Variants in CADM2 observed in about 807,000 individuals in gnomAD.
CADM2 encodes the protein cell adhesion molecule 2.
In CADM2, 12 loss-of-function variants were observed where a neutral mutation model predicts 49.8. The observed-to-expected ratio is 0.24, with a 90% CI of 0.15 to 0.39. CADM2 has a LOEUF of 0.39. Ranked by LOEUF, CADM2 falls within the 10% of genes least tolerant of loss-of-function variation. CADM2 has a pLI of 1.00. For synonymous variants in CADM2, 214 were observed against 175.4 expected (o/e 1.22, Z -1.74); for missense variants, 378 against 492.3 (o/e 0.77, Z 2.20).
chr3:85,399,252 T>A (rs1325495674), intron 1 of CADM2, among the ~76,000 whole-genome samples: 1 of 152,210 alleles, frequency 6.6e-6, no homozygotes, highest in Non-Finnish European at 1.5e-5. Context: ...GGGAATCCTT[T>A]CCCCATTGCT....
chr3:85,187,444 A>T (rs2041091677), intron 1 of CADM2, among the ~76,000 whole-genome samples: 1 of 152,056 alleles, frequency 6.6e-6, no homozygotes, highest in Admixed American at 6.6e-5. Context: ...ATCTCCTCAT[A>T]AGTTTTTTTT....
At chr3:85,528,699 A>C (rs1452202595) in intron 1 of CADM2, among the ~76,000 whole-genome samples, 3 of 152,184 alleles carry the variant, frequency 2.0e-5, no homozygotes, top group Non-Finnish European at 4.4e-5. Flanking sequence ...TATACAAATA[A>C]AGATTCACTT....
intron 1 of CADM2, among the ~76,000 whole-genome samples, chr3:85,233,202 G>A (rs572979640): frequency 2.0e-5 from 3 of 152,208 alleles, no homozygotes; most frequent in South Asian, 2.1e-4. Flanking sequence ...CTACTGAGAC[G>A]GTGAAAGATC....
chr3:85,761,412 C>T lies in CADM2; in HGVS notation c.88+34864C>T, dbSNP rs541274100. Among the ~76,000 whole-genome samples the T allele has an allele frequency of 1.9e-3, 230 of 118,784 alleles. 1 individual carries two copies. Among genetic ancestry groups the T allele is most frequent in the African/African-American group, 7.7e-3 (226 of 29,294 alleles). The allele number at this position is 118,784 out of a possible 152,430, so 77.9% of individuals were successfully genotyped here. A position where few individuals can be genotyped will look rare whatever the true frequency, so the allele number is the denominator to read the frequency against. On this transcript the variant is annotated intron_variant, in intron 2 of 9. Coordinates refer to ENST00000383699, the MANE Select transcript of CADM2 (RefSeq NM_001167675.2). ...TTTTGGAGACAGAATCTCACTCTGTCTCCAGGCTGGAGTGCATTCAGTGGC... is the reference window on the plus strand; with the variant it reads ...TTTTGGAGACAGAATCTCACTCTGTTTCCAGGCTGGAGTGCATTCAGTGGC...
chr3:85,898,071 A>G (rs557194302), intron 5 of CADM2, among the ~76,000 whole-genome samples: 277 of 152,258 alleles, frequency 1.8e-3, no homozygotes, highest in African/African-American at 5.8e-3. Flanking sequence ...GTGGGTATGT[A>G]TATCTGTGTG....
chr3:85,294,873 G>A (rs1437452590), intron 1 of CADM2, among the ~76,000 whole-genome samples: 15 of 152,100 alleles, frequency 9.9e-5, no homozygotes, highest in East Asian at 3.9e-4. Flanking sequence ...TCAGGACATA[G>A]GCATGGGCAA....
rs35857247 is a variant in CADM2, at chr3:85,898,955, A to ATTTTT, written c.529+12652_529+12656dup. On this transcript the variant is annotated intron_variant, in intron 5 of 9. Transcript: ENST00000383699. ...TTATTGTGTATATATATATATATAT[A>ATTTTT]TTTTTTTTTTTTTTTTTTTTTTTTT... Among the ~76,000 whole-genome samples the ATTTTT allele has an allele frequency of 4.8e-3, 162 of 33,912 alleles. 25 individuals are homozygous for ATTTTT. The highest frequency in any genetic ancestry group is 7.1e-3 in the South Asian group (5 of 708). The allele number at this position is 33,912 out of a possible 152,430, so 22.2% of individuals were successfully genotyped here. A position where few individuals can be genotyped will look rare whatever the true frequency, so the allele number is the denominator to read the frequency against.
intron 1 of CADM2, among the ~76,000 whole-genome samples, chr3:85,569,964 G>A (rs940092312): frequency 6.6e-6 from 1 of 152,086 alleles, no homozygotes; most frequent in Non-Finnish European, 1.5e-5. Flanking sequence ...TTAATTTTCA[G>A]TTGCAGAATG....
chr3:85,280,108 T>C (rs2043464759), intron 1 of CADM2, among the ~76,000 whole-genome samples: 1 of 151,700 alleles, frequency 6.6e-6, no homozygotes, highest in Non-Finnish European at 1.5e-5. Flanking sequence ...GACCAATAAT[T>C]ATAAGTTTAC....
intron 1 of CADM2, among the ~76,000 whole-genome samples, chr3:85,371,587 C>G (rs1013826006): frequency 1.4e-5 from 2 of 144,772 alleles, no homozygotes; most frequent in Non-Finnish European, 3.0e-5. Flanking sequence ...TTTTCAGAAC[C>G]TATCTTCATC....
At chr3:85,028,302 T>C (rs565651944) in intron 1 of CADM2, among the ~76,000 whole-genome samples, 2 of 152,316 alleles carry the variant, frequency 1.3e-5, no homozygotes, top group African/African-American at 4.8e-5. Flanking sequence ...ACCATCCATA[T>C]TTGACTGTGA....
At chr3:84,972,841 A>C (rs1375096125) in intron 1 of CADM2, among the ~76,000 whole-genome samples, 1 of 152,202 alleles carries the variant, frequency 6.6e-6, no homozygotes, top group African/African-American at 2.4e-5. Context: ...TTTACAGTCT[A>C]GTGTTGGCCA....
intron 1 of CADM2, among the ~76,000 whole-genome samples, chr3:85,631,535 G>T (rs1390083143): frequency 2.6e-5 from 4 of 152,048 alleles, no homozygotes; most frequent in African/African-American, 9.7e-5. Context: ...AGTTGAGCCA[G>T]CAAGTGAACT....
At chr3:85,655,034 A>G (rs1056590896) in intron 1 of CADM2, among the ~76,000 whole-genome samples, 3 of 152,242 alleles carry the variant, frequency 2.0e-5, no homozygotes, top group Non-Finnish European at 2.9e-5. Flanking sequence ...AGTTGAGACC[A>G]GGAAACAAAA....
chr3:85,950,568 T>C (rs1723308579), intron 7 of CADM2, among the ~76,000 whole-genome samples: 1 of 151,124 alleles, frequency 6.6e-6, no homozygotes, highest in Non-Finnish European at 1.5e-5. Context: ...ATAGGCACTC[T>C]AAAAATGCCA....
rs138489972 is a variant in CADM2 at position 85,688,238 on chromosome 3, TAAAG to T, written c.62-38281_62-38278del. Among the ~76,000 whole-genome samples the T allele has an allele frequency of 2.5e-3, 374 of 152,252 alleles. 1 individual carries two copies. The highest frequency in any genetic ancestry group is 0.02 in the Middle Eastern group (6 of 294). ...ATGAGATAGGACCGTTTGCATATAA[TAAAG>T]AATATTCAAAACTCAATAATATAAC... On this transcript the variant is annotated intron_variant, in intron 1 of 9. Coordinates refer to ENST00000383699, the MANE Select transcript of CADM2 (RefSeq NM_001167675.2).
intron 1 of CADM2, among the ~76,000 whole-genome samples, chr3:85,077,253 C>T (rs543290377): frequency 6.6e-6 from 1 of 151,894 alleles, no homozygotes; most frequent in Non-Finnish European, 1.5e-5. Context: ...TGCAATGTTC[C>T]TATATTATAA....
At chr3:85,087,625 A>T (rs1324597263) in intron 1 of CADM2, among the ~76,000 whole-genome samples, 1 of 152,208 alleles carries the variant, frequency 6.6e-6, no homozygotes, top group African/African-American at 2.4e-5. Flanking sequence ...TGTTACTCTT[A>T]GCCATAGCTA....
chr3:85,092,350 T>A (rs998779444), intron 1 of CADM2, among the ~76,000 whole-genome samples: 3 of 152,162 alleles, frequency 2.0e-5, no homozygotes, highest in Admixed American at 2.0e-4. Flanking sequence ...TCACTGGAAA[T>A]GTATACATAA....
Sources: gnomAD v4.1 joint callset for allele counts (sites outside exome capture counted in the v4.1 genomes callset) on GRCh38, gnomAD v4.1.1 for gene constraint, MANE v1.5 for transcripts, NCBI Gene and HGNC (gene_info 2026-07-23, HGNC 2026-07-21) for gene names.